Variants in LHX8 observed in about 807,000 individuals in gnomAD.
LHX8 encodes the protein LIM homeobox 8.
LHX8 carries 12 observed loss-of-function variants against 40.3 expected under a neutral mutation model. That is an observed-to-expected ratio of 0.30 (90% CI 0.19 to 0.48). The LOEUF (loss-of-function observed/expected upper bound fraction) is 0.48. Among genes scored for constraint, LHX8 ranks in the 20% least tolerant of loss-of-function variants. The pLI, the probability that LHX8 is intolerant of heterozygous loss-of-function variation, is 0.99. For missense variants in LHX8, 344 were observed against 433.7 expected, an observed-to-expected ratio of 0.79 and a Z score of 1.84; for synonymous variants, 179 against 162.0, an observed-to-expected ratio of 1.10 and a Z score of -0.80.
the LHX8 span, among the ~76,000 whole-genome samples, chr1:75,189,793 C>T: frequency 2.9e-4 from 44 of 152,150 alleles, no homozygotes; most frequent in Non-Finnish European, 4.9e-4. Flanking sequence ...TGTGTTCTCC[C>T]TCATCATACT....
At chr1:75,144,795 A>G (rs1648417608) in intron 6 of LHX8, among the ~76,000 whole-genome samples, 1 of 152,162 alleles carries the variant, frequency 6.6e-6, no homozygotes, top group Non-Finnish European at 1.5e-5. Flanking sequence ...TACCTTATAC[A>G]TAGTATCCAT....
intron 6 of LHX8, among the ~76,000 whole-genome samples, chr1:75,147,279 G>C (rs1220756267): frequency 6.6e-6 from 1 of 152,074 alleles, no homozygotes; most frequent in Non-Finnish European, 1.5e-5. Context: ...AACCTCAGAA[G>C]GTTTCCCAGA....
chr1:75,175,567 G>A, the LHX8 span, among the ~76,000 whole-genome samples: 1 of 152,088 alleles, frequency 6.6e-6, no homozygotes, highest in Non-Finnish European at 1.5e-5. Context: ...TAGTGATATT[G>A]AATATTTTTT....
At chr1:75,130,584 C>A (rs924340671), upstream of LHX8, 8 of 863,758 alleles carry the variant, frequency 9.3e-6, no homozygotes, top group Admixed American at 8.6e-5. Flanking sequence ...CTTTTGGCGA[C>A]CTCCACTGGC....
At chr1:75,145,424 T>C (rs974019896) in intron 6 of LHX8, among the ~76,000 whole-genome samples, 24 of 152,268 alleles carry the variant, frequency 1.6e-4, no homozygotes, top group Non-Finnish European at 3.2e-4. Context: ...AAAATAAAAT[T>C]GTGAAAATTT....
At chr1:75,148,114 T>C (rs189765505) in intron 6 of LHX8, among the ~76,000 whole-genome samples, 1 of 152,154 alleles carries the variant, frequency 6.6e-6, no homozygotes. Context: ...TATGATGGAG[T>C]TGTTACAATT....
chr1:75,130,972 C>A (rs910820774), upstream of LHX8: 1 of 599,904 alleles, frequency 1.7e-6, no homozygotes, highest in Admixed American at 2.4e-5. Context: ...AAAGTCTCCC[C>A]ATCCTCCACC....
At chr1:75,174,159 C>T in the LHX8 span, among the ~76,000 whole-genome samples, 2 of 152,166 alleles carry the variant, frequency 1.3e-5, no homozygotes, top group Non-Finnish European at 2.9e-5. Context: ...ACTTTCAGTT[C>T]TGTTGGAGAC....
chr1:75,175,440 C>T, the LHX8 span, among the ~76,000 whole-genome samples: 13 of 152,234 alleles, frequency 8.5e-5, no homozygotes, highest in Non-Finnish European at 1.3e-4. Flanking sequence ...TGAAAGTGTT[C>T]CCTTTTCACC....
chr1:75,134,309 T>A (rs2080136822), upstream of LHX8, among the ~76,000 whole-genome samples: 1 of 152,062 alleles, frequency 6.6e-6, no homozygotes, highest in African/African-American at 2.4e-5. Flanking sequence ...ACACGCCCCC[T>A]TCCTTTATAT....
At chr1:75,180,660 G>A in the LHX8 span, among the ~76,000 whole-genome samples, 2 of 152,152 alleles carry the variant, frequency 1.3e-5, no homozygotes, top group African/African-American at 4.8e-5. Flanking sequence ...GGAGAAGTTT[G>A]TTATTACCGA....
the LHX8 span, among the ~76,000 whole-genome samples, chr1:75,192,447 G>A: frequency 1.3e-3 from 192 of 152,222 alleles, 1 homozygote; most frequent in African/African-American, 4.2e-3. Flanking sequence ...CAGAATAACA[G>A]TGAAGTTCAA....
At chr1:75,198,383 A>G in the LHX8 span, among the ~76,000 whole-genome samples, 1 of 152,270 alleles carries the variant, frequency 6.6e-6, no homozygotes, top group Admixed American at 6.5e-5. Flanking sequence ...AGTCAAGAGA[A>G]TATCACTGTT....
intron 7 of LHX8, among the ~76,000 whole-genome samples, chr1:75,156,193 G>A (rs1423675497): frequency 6.8e-6 from 1 of 146,094 alleles, no homozygotes; most frequent in African/African-American, 2.6e-5. Context: ...GAGTTTTTGG[G>A]GTACTTTTGT....
chr1:75,136,196 G>C (rs935325216), intron 1 of LHX8, among the ~76,000 whole-genome samples: 1 of 151,010 alleles, frequency 6.6e-6, no homozygotes, highest in Non-Finnish European at 1.5e-5. Flanking sequence ...TTCTTCTCTC[G>C]CACTCCACCT....
intron 4 of LHX8, among the ~76,000 whole-genome samples, chr1:75,141,330 A>G (rs1648304593): frequency 6.6e-6 from 1 of 152,156 alleles, no homozygotes; most frequent in Non-Finnish European, 1.5e-5. Context: ...TTTAAATAAT[A>G]CTTTCACTTT....
At chr1:75,152,809 A>C (rs1648644764) in intron 7 of LHX8, among the ~76,000 whole-genome samples, 1 of 152,182 alleles carries the variant, frequency 6.6e-6, no homozygotes, top group Non-Finnish European at 1.5e-5. Flanking sequence ...TTACTCTTTT[A>C]CATCCTTTAC....
At chr1:75,159,520 ACTT>A (rs1218834373) in intron 8 of LHX8, 8 of 152,032 alleles carry the variant, frequency 5.3e-5, no homozygotes, top group African/African-American at 1.9e-4. Flanking sequence ...TCATCCACCG[ACTT>A]CTTAATTTAT....
chr1:75,136,708 G>A lies in LHX8; in HGVS notation c.75+19G>A. 6.5e-7 allele frequency: 1 copy of A among 1,536,742 alleles called. No individual in the cohort carries two copies. The highest frequency in any genetic ancestry group is 8.7e-7 in the Non-Finnish European group (1 of 1,143,046). On this transcript the variant is annotated intron_variant, in intron 2 of 8. Transcript: ENST00000356261. ...GGGACTGGTGAGTGCGGAGGGGCTC[G>A]CGTGCTGGCAAGACTGGCCGTGGGG...
Sources: gnomAD v4.1 joint callset for allele counts (sites outside exome capture counted in the v4.1 genomes callset) on GRCh38, gnomAD v4.1.1 for gene constraint, MANE v1.5 for transcripts, NCBI Gene and HGNC (gene_info 2026-07-23, HGNC 2026-07-21) for gene names.